Variants in TMTC1 observed in about 807,000 individuals in gnomAD.
TMTC1 encodes the protein transmembrane O-mannosyltransferase targeting cadherins 1, also known as protein O-mannosyl-transferase TMTC1.
A neutral mutation model predicts 104.8 loss-of-function variants in TMTC1; 73 were observed. The ratio of observed to expected loss-of-function variants is 0.70; its 90% confidence interval spans 0.58 to 0.85. The LOEUF (loss-of-function observed/expected upper bound fraction) is 0.85. TMTC1 is among the 40% of genes least tolerant of loss of function. The pLI is 0.00. For missense variants in TMTC1, 1,035 were observed against 1,096.1 expected (o/e 0.94, Z 0.79); for synonymous variants, 434 against 428.7 (o/e 1.01, Z -0.15).
chr12:29,616,053 A>G (rs1269346344), intron 6 of TMTC1, among the ~76,000 whole-genome samples: 1 of 152,206 alleles, frequency 6.6e-6, no homozygotes, highest in Non-Finnish European at 1.5e-5. Flanking sequence ...CATTCATGAT[A>G]CGCCCCTTTT....
intron 3 of TMTC1, among the ~76,000 whole-genome samples, chr12:29,757,027 C>A (rs1458887067): frequency 6.6e-6 from 1 of 152,162 alleles, no homozygotes; most frequent in African/African-American, 2.4e-5. Context: ...GCAATTATTA[C>A]TTCTATTCTA....
chr12:29,739,872 C>T (rs1942780040), intron 5 of TMTC1, among the ~76,000 whole-genome samples: 1 of 152,020 alleles, frequency 6.6e-6, no homozygotes, highest in Admixed American at 6.5e-5. Flanking sequence ...CCATACCCAG[C>T]TAATTTTTGC....
At chr12:29,676,597 G>A (rs1940734029) in intron 5 of TMTC1, among the ~76,000 whole-genome samples, 1 of 152,074 alleles carries the variant, frequency 6.6e-6, no homozygotes, top group African/African-American at 2.4e-5. Context: ...TCGATTTCCA[G>A]GGATCCCATC....
chr12:29,537,390 T>C (rs1407995578), intron 10 of TMTC1, among the ~76,000 whole-genome samples: 1 of 152,208 alleles, frequency 6.6e-6, no homozygotes, highest in Non-Finnish European at 1.5e-5. Flanking sequence ...TGTTCTATTA[T>C]TATACTCATT....
intron 5 of TMTC1, among the ~76,000 whole-genome samples, chr12:29,751,263 G>A (rs1943082538): frequency 6.6e-6 from 1 of 152,164 alleles, no homozygotes; most frequent in African/African-American, 2.4e-5. Flanking sequence ...CAGAAAGGAA[G>A]AGTCCTCTGG....
chr12:29,628,103 G>A (rs1938097301), intron 6 of TMTC1, among the ~76,000 whole-genome samples: 1 of 152,130 alleles, frequency 6.6e-6, no homozygotes, highest in South Asian at 2.1e-4. Flanking sequence ...GACTTCAACT[G>A]CTTCTTTGAC....
chr12:29,661,118 A>T (rs1227573543), intron 5 of TMTC1, among the ~76,000 whole-genome samples: 2 of 152,134 alleles, frequency 1.3e-5, no homozygotes, highest in Non-Finnish European at 2.9e-5. Flanking sequence ...ACTCACTTAT[A>T]AAAGGGAGAC....
chr12:29,726,799 A>G (rs1305817969), intron 5 of TMTC1, among the ~76,000 whole-genome samples: 2 of 152,244 alleles, frequency 1.3e-5, no homozygotes, highest in Admixed American at 6.5e-5. Context: ...ATCAATCTAG[A>G]GATTATCCTA....
chr12:29,555,134 C>CT (rs77513599), intron 10 of TMTC1, among the ~76,000 whole-genome samples: 9,181 of 87,716 alleles, frequency 0.1, 1,655 homozygotes, highest in African/African-American at 0.19. Context: ...TTCCAACATC[C>CT]TTTTTTTTTT....
Position 29,518,552 on chromosome 12 carries a change from A to G in TMTC1, c.1944T>C (p.Ser648=), listed in dbSNP as rs1175401474. ...CCAAGTTCACCATGGCCACGTGATG[A>G]CTGGGGCTAAGTTTGATGGCCTGCT... The part of the protein sequence containing the change: ...HYQQAIKLSP[S]HHVAMVNLGR... Residue 648 remains serine, a synonymous_variant, in exon 13 of 18, where the codon AGT becomes AGC. Transcript: ENST00000539277. 1 of 1,614,116 alleles carries G rather than the reference A, an allele frequency of 6.2e-7. No individual in the cohort carries two copies. Among genetic ancestry groups the G allele is most frequent in the Admixed American group, 1.7e-5 (1 of 60,022 alleles).
chr12:29,693,381 CCT>C lies in TMTC1; in HGVS notation c.938+58283_938+58284del, dbSNP rs927450962. On this transcript the variant is annotated intron_variant, in intron 5 of 17. Coordinates refer to ENST00000539277, the MANE Select transcript of TMTC1 (RefSeq NM_001193451.2). The stretch of plus-strand genomic sequence containing the variant: ...TCTTTGTGTTGGGTAGATTGAAAAT[CCT>C]CTCTTCTAGCTATTTGAAAATATAT... 4.9e-5 allele frequency among the ~76,000 whole-genome samples: 7 copies of C among 143,952 alleles called. 1 individual carries two copies. The Middle Eastern group carries it at 0.021, about 438-fold the overall frequency. The allele number at this position is 143,952 out of a possible 152,430, so 94.4% of individuals were successfully genotyped here. A position where few individuals can be genotyped will look rare whatever the true frequency, so the allele number is the denominator to read the frequency against.
chr12:29,529,263 A>G (rs1385512109), intron 11 of TMTC1, among the ~76,000 whole-genome samples: 1 of 152,206 alleles, frequency 6.6e-6, no homozygotes, highest in Non-Finnish European at 1.5e-5. Flanking sequence ...AACAATTAGC[A>G]AACAGATTAA....
chr12:29,584,952 C>T (rs1203234726), intron 7 of TMTC1, among the ~76,000 whole-genome samples: 2 of 150,444 alleles, frequency 1.3e-5, no homozygotes, highest in Non-Finnish European at 2.9e-5. Context: ...TGGGTATATA[C>T]CCAGTAATGG....
chr12:29,590,433 T>C (rs1267573504), intron 7 of TMTC1, among the ~76,000 whole-genome samples: 1 of 152,174 alleles, frequency 6.6e-6, no homozygotes, highest in Non-Finnish European at 1.5e-5. Flanking sequence ...TGTAAATCAA[T>C]GAGAATTCCT....
At chr12:29,714,022 T>C (rs998922654) in intron 5 of TMTC1, among the ~76,000 whole-genome samples, 5 of 152,162 alleles carry the variant, frequency 3.3e-5, no homozygotes, top group South Asian at 2.1e-4. Flanking sequence ...GAGGGCACAG[T>C]GTTCAATGCA....
chr12:29,725,671 AT>A (rs1942369142), intron 5 of TMTC1, among the ~76,000 whole-genome samples: 2 of 152,228 alleles, frequency 1.3e-5, no homozygotes. Flanking sequence ...AATTAATTAC[AT>A]GCTCTATGGA....
chr12:29,661,317 C>T (rs2136643489), intron 5 of TMTC1: 1 of 963,534 alleles, frequency 1.0e-6, no homozygotes, highest in Non-Finnish European at 1.2e-6. Flanking sequence ...TATTTACCTA[C>T]TTAATATAAT....
intron 11 of TMTC1, 144 bp downstream of exon 11, chr12:29,536,065 T>A: frequency 1.6e-6 from 1 of 638,708 alleles, no homozygotes; most frequent in Non-Finnish European, 2.7e-6. Context: ...ATTAGGCTTG[T>A]AATTTCTGTC....
intron 16 of TMTC1, among the ~76,000 whole-genome samples, chr12:29,513,246 A>G (rs1247742412): frequency 6.6e-6 from 1 of 152,162 alleles, no homozygotes; most frequent in South Asian, 2.1e-4. Flanking sequence ...ATTCTTGTGA[A>G]GATTAAGTTA....
Sources: allele counts gnomAD v4.1 joint callset (sites outside exome capture counted in the v4.1 genomes callset), GRCh38; gene constraint gnomAD v4.1.1; transcripts MANE v1.5; gene names NCBI Gene and HGNC (gene_info 2026-07-23, HGNC 2026-07-21).